YIPF4: variants seen among roughly 807,000 people sequenced by gnomAD.
The protein encoded by YIPF4 is Yip1 domain family member 4, also known as protein YIPF4.
Under a neutral mutation model 29.4 loss-of-function variants are expected in YIPF4, and 18 were observed. The ratio of observed to expected loss-of-function variants is 0.61; its 90% CI spans 0.42 to 0.91. The LOEUF is 0.91. Among genes scored for constraint, YIPF4 ranks in the 40% least tolerant of loss-of-function variants. YIPF4 has a pLI of 0.00. For synonymous variants in YIPF4, 115 were observed against 104.7 expected, an observed-to-expected ratio of 1.10 and a Z score of -0.60; for missense variants, 279 against 282.7, an observed-to-expected ratio of 0.99 and a Z score of 0.09.
rs1285671012 is a variant in YIPF4 at position 32,313,010 on chromosome 2, C to G, written c.*7384C>G. The G allele has an allele frequency of 6.6e-6, 1 of 151,980 alleles. No individual in the cohort carries two copies. Among genetic ancestry groups the G allele is most frequent in the Non-Finnish European group, 1.5e-5 (1 of 68,030 alleles). The allele number at this position is 151,980 out of a possible 1,614,324, so 9.4% of individuals were successfully genotyped here. ...TGTCTCAAAAAAAAAGACCGCCCCC[C>G]CCAATATACACACACCCTGACTTTA... On this transcript the variant is annotated 3_prime_UTR_variant, in exon 6 of 6. Transcript: ENST00000238831.
intron 4 of YIPF4, among the ~76,000 whole-genome samples, chr2:32,298,684 G>A (rs563968692): frequency 6.6e-6 from 1 of 151,818 alleles, no homozygotes; most frequent in African/African-American, 2.4e-5. Context: ...TCAGCCTTCC[G>A]AGTAGCTGGG....
Position 32,305,848 on chromosome 2 carries a change from C to A in YIPF4, c.*222C>A. On this transcript the variant is annotated 3_prime_UTR_variant, in exon 6 of 6. Coordinates refer to ENST00000238831, the MANE Select transcript of YIPF4 (RefSeq NM_032312.4). Reference sequence around the variant, plus strand: ...AGAATTTTAAATTCTGTTTGATTCTCCATATTCCAGTGAATAAAATACAAA... The same window carrying A: ...AGAATTTTAAATTCTGTTTGATTCTACATATTCCAGTGAATAAAATACAAA... The A allele has an allele frequency of 8.6e-7, 1 of 1,168,900 alleles. No individual in the cohort carries two copies. Among genetic ancestry groups the A allele is most frequent in the Non-Finnish European group, 1.1e-6 (1 of 949,554 alleles). The allele number at this position is 1,168,900 out of a possible 1,614,324, so 72.4% of individuals were successfully genotyped here. A position where few individuals can be genotyped will look rare whatever the true frequency, so the allele number is the denominator to read the frequency against.
chr2:32,280,888 C>A (rs2030376157), intron 1 of YIPF4, among the ~76,000 whole-genome samples: 1 of 152,234 alleles, frequency 6.6e-6, no homozygotes, highest in East Asian at 1.9e-4. Context: ...ACTTTAATTT[C>A]CCAGGTTTAA....
chr2:32,279,655 C>T (rs1478524060), intron 1 of YIPF4, among the ~76,000 whole-genome samples: 4 of 150,666 alleles, frequency 2.7e-5, no homozygotes, highest in Non-Finnish European at 5.9e-5. Flanking sequence ...GTGATCCGTC[C>T]GCCTCGGCCT....
Position 32,314,014 on chromosome 2 carries a change from A to G in YIPF4, c.*8388A>G, listed in dbSNP as rs2031772177. Reference sequence around the variant, plus strand: ...CAGCCAGAAACGTGCTTTTAATACTAAAGGCCAAGATATGCAATTATACTC... The same window carrying G: ...CAGCCAGAAACGTGCTTTTAATACTGAAGGCCAAGATATGCAATTATACTC... On this transcript the variant is annotated 3_prime_UTR_variant, in exon 6 of 6. Coordinates refer to ENST00000238831, the MANE Select transcript of YIPF4 (RefSeq NM_032312.4). 6.6e-6 allele frequency: 1 copy of G among 152,234 alleles called. No homozygotes were observed. Among genetic ancestry groups the G allele is most frequent in the African/African-American group, 2.4e-5 (1 of 41,476 alleles). The allele number at this position is 152,234 out of a possible 1,614,324, so 9.4% of individuals were successfully genotyped here.
chr2:32,304,086 A>C (rs2148967770), intron 5 of YIPF4, among the ~76,000 whole-genome samples: 1 of 152,324 alleles, frequency 6.6e-6, no homozygotes, highest in East Asian at 1.9e-4. Context: ...ATTTAGAGTA[A>C]AATTGTTTTT....
chr2:32,307,123 C>A lies in YIPF4; in HGVS notation c.*1497C>A, dbSNP rs1369465470. The stretch of plus-strand genomic sequence containing the variant: ...AAACAGGTGAGAAGCACCAGAGGGA[C>A]AGGACTTCTAGAAGTTAGAATAATA... On this transcript the variant is annotated 3_prime_UTR_variant, in exon 6 of 6. Coordinates refer to ENST00000238831, the MANE Select transcript of YIPF4 (RefSeq NM_032312.4). 7.7e-7 allele frequency: 1 copy of A among 1,298,802 alleles called. No homozygotes were observed. The highest frequency in any genetic ancestry group is 1.0e-6 in the Non-Finnish European group (1 of 986,878). 80.5% of individuals were successfully genotyped at this position (1,298,802 alleles called of 1,614,324 possible).
At position 32,312,086 on chromosome 2, in the gene YIPF4, A is replaced by G. The variant is rs2031725137; in HGVS notation, c.*6460A>G. ...TTCATGTGATAATTATAGTCTCTTC[A>G]TGGAAAACAGTAAAAATACTCACGT... On this transcript the variant is annotated 3_prime_UTR_variant, in exon 6 of 6. Transcript: ENST00000238831. The G allele has an allele frequency of 6.6e-6, 1 of 152,186 alleles. No homozygotes were observed. The highest frequency in any genetic ancestry group is 2.4e-5 in the African/African-American group (1 of 41,446). The allele number at this position is 152,186 out of a possible 1,614,324, so 9.4% of individuals were successfully genotyped here.
At chr2:32,288,759 G>A (rs1287876710) in intron 1 of YIPF4, among the ~76,000 whole-genome samples, 2 of 152,126 alleles carry the variant, frequency 1.3e-5, no homozygotes, top group Non-Finnish European at 1.5e-5. Flanking sequence ...GCAGTGAGCC[G>A]AGATTGCCCC....
At chr2:32,280,967 T>C (rs2030381589) in intron 1 of YIPF4, among the ~76,000 whole-genome samples, 1 of 152,230 alleles carries the variant, frequency 6.6e-6, no homozygotes, top group Non-Finnish European at 1.5e-5. Flanking sequence ...GTTTATTTTT[T>C]TCATTCTCCC....
chr2:32,292,116 T>G (rs2148961880), intron 2 of YIPF4, 61 bp from the exon 3 acceptor site: 1 of 1,149,228 alleles, frequency 8.7e-7, no homozygotes, highest in Non-Finnish European at 1.2e-6. Flanking sequence ...AATTTTTTTT[T>G]GGAATTGTTT....
intron 4 of YIPF4, 122 bp downstream of exon 4, chr2:32,298,433 C>G (rs1367127699): frequency 1.5e-6 from 1 of 655,048 alleles, no homozygotes; most frequent in Non-Finnish European, 2.6e-6. Flanking sequence ...TATGCTAGTT[C>G]CTTTAAGATG....
intron 4 of YIPF4, among the ~76,000 whole-genome samples, chr2:32,300,997 A>C (rs1262058002): frequency 6.6e-6 from 1 of 152,162 alleles, no homozygotes; most frequent in Non-Finnish European, 1.5e-5. Flanking sequence ...GGTAACATCT[A>C]GGTTCTCTAG....
Position 32,286,626 on chromosome 2 carries a change from A to C in YIPF4, c.80-3857A>C, listed in dbSNP as rs531959642. 3.9e-5 allele frequency among the ~76,000 whole-genome samples: 6 copies of C among 151,930 alleles called. No homozygotes were observed. In the South Asian group the frequency reaches 1.0e-3, roughly 26 times the overall value. ...AGTGGCGCGATCTCAGCTCAGTGCAACCTCCACCTCCCGGGCTCAAGTGAT... is the reference window on the plus strand; with the variant it reads ...AGTGGCGCGATCTCAGCTCAGTGCACCCTCCACCTCCCGGGCTCAAGTGAT... On this transcript the variant is annotated intron_variant, in intron 1 of 5. Coordinates refer to ENST00000238831, the MANE Select transcript of YIPF4 (RefSeq NM_032312.4).
At chr2:32,298,204 A>C in intron 3 of YIPF4, 30 bp from the exon 4 acceptor site, 3 of 1,505,602 alleles carry the variant, frequency 2.0e-6, no homozygotes, top group South Asian at 2.3e-5. Context: ...TTGGTATAAA[A>C]ATATTAATTG....
At chr2:32,289,366 G>A (rs1195122471) in intron 1 of YIPF4, among the ~76,000 whole-genome samples, 1 of 152,302 alleles carries the variant, frequency 6.6e-6, no homozygotes, top group African/African-American at 2.4e-5. Context: ...GACTCATAGA[G>A]TATTGTGCAA....
At position 32,309,681 on chromosome 2, in the gene YIPF4, C is replaced by CTTTTTTTTTTT. The variant is rs200229465; in HGVS notation, c.*4070_*4080dup. The CTTTTTTTTTTT allele has an allele frequency of 8.6e-6, 1 of 116,268 alleles. No individual in the cohort carries two copies. The highest frequency in any genetic ancestry group is 1.7e-5 in the Non-Finnish European group (1 of 58,380). The allele number at this position is 116,268 out of a possible 1,614,324, so 7.2% of individuals were successfully genotyped here. On this transcript the variant is annotated 3_prime_UTR_variant, in exon 6 of 6. Coordinates refer to ENST00000238831, the MANE Select transcript of YIPF4 (RefSeq NM_032312.4). ...TTTTAGGCTTTAGGGAATTGTGACC[C>CTTTTTTTTTTT]TTTTTTTTTTTTTTTTTTTTTTTTT...
intron 1 of YIPF4, among the ~76,000 whole-genome samples, 160 bp downstream of exon 1, chr2:32,278,394 C>G (rs954366607): frequency 1.3e-5 from 2 of 152,270 alleles, no homozygotes; most frequent in Middle Eastern, 3.4e-3. Context: ...CGAGAGGCCC[C>G]GAAGGACGGA....
rs1202645386 is a variant in YIPF4 at position 32,305,478 on chromosome 2, T to C, written c.598-11T>C. ...ATATGCTGCCTTTTGTCTTTTTTCC[T>C]TTTTTTAAAGCTGTTTGGTGTGTTT... On this transcript the variant is annotated splice_polypyrimidine_tract_variant and intron_variant, in intron 5 of 5. Transcript: ENST00000238831. 1 of 1,525,894 alleles carries C rather than the reference T, an allele frequency of 6.6e-7. No homozygotes were observed. The highest frequency in any genetic ancestry group is 8.8e-7 in the Non-Finnish European group (1 of 1,141,468). The allele number at this position is 1,525,894 out of a possible 1,614,324, so 94.5% of individuals were successfully genotyped here.
Sources: allele counts gnomAD v4.1 joint callset (sites outside exome capture counted in the v4.1 genomes callset), GRCh38; gene constraint gnomAD v4.1.1; transcripts MANE v1.5; gene names NCBI Gene and HGNC (gene_info 2026-07-23, HGNC 2026-07-21).